Variants in TMEM178A observed in about 807,000 individuals in gnomAD.
TMEM178A encodes transmembrane protein 178A.
A neutral mutation model predicts 29.1 loss-of-function variants in TMEM178A; 12 were observed. The observed-to-expected ratio is 0.41, with a 90% CI of 0.26 to 0.67. The LOEUF (loss-of-function observed/expected upper bound fraction) is 0.67, where lower values mean the gene tolerates loss of function less well. Ranked by LOEUF, TMEM178A falls within the 30% of genes least tolerant of loss-of-function variation. TMEM178A has a pLI of 0.29. For missense variants in TMEM178A, 366 were observed against 419.1 expected, an observed-to-expected ratio of 0.87 and a Z score of 1.11; for synonymous variants, 210 against 187.2, an observed-to-expected ratio of 1.12 and a Z score of -0.99.
chr2:39,703,007 T>TC (rs1671860705), intron 1 of TMEM178A, among the ~76,000 whole-genome samples: 1 of 152,296 alleles, frequency 6.6e-6, no homozygotes, highest in South Asian at 2.1e-4. Flanking sequence ...GGACTGGGGC[T>TC]CATGATGCAA....
chr2:39,678,868 A>G (rs1670743411), intron 1 of TMEM178A, among the ~76,000 whole-genome samples: 3 of 152,176 alleles, frequency 2.0e-5, no homozygotes, highest in African/African-American at 4.8e-5. Context: ...TAGTCCTTCA[A>G]TACACATGCA....
chr2:39,690,203 A>G (rs1671254841), intron 1 of TMEM178A, among the ~76,000 whole-genome samples: 1 of 152,020 alleles, frequency 6.6e-6, no homozygotes, highest in African/African-American at 2.4e-5. Flanking sequence ...CTGACGGTGA[A>G]CTCCATCAAG....
At chr2:39,728,962 C>G in the TMEM178A span, among the ~76,000 whole-genome samples, 1 of 152,060 alleles carries the variant, frequency 6.6e-6, no homozygotes, top group African/African-American at 2.4e-5. Context: ...TGGAGGGACT[C>G]CACTGAGAAT....
intron 2 of TMEM178A, among the ~76,000 whole-genome samples, chr2:39,706,271 G>A (rs1422539962): frequency 6.6e-6 from 1 of 152,212 alleles, no homozygotes; most frequent in Non-Finnish European, 1.5e-5. Flanking sequence ...TGGAGATTAT[G>A]TAGTGGAGAC....
chr2:39,719,129 C>G (rs1230496148), downstream of TMEM178A, among the ~76,000 whole-genome samples: 1 of 152,182 alleles, frequency 6.6e-6, no homozygotes, highest in Non-Finnish European at 1.5e-5. Flanking sequence ...CACTGGCACT[C>G]TCTCAGGCCT....
chr2:39,716,950 A>T (rs1672565138), intron 3 of TMEM178A, 60 bp from the exon 4 acceptor site: 2 of 1,557,232 alleles, frequency 1.3e-6, no homozygotes, highest in Non-Finnish European at 1.7e-6. Flanking sequence ...CCTGTCTGGC[A>T]TTTGTCTTGT....
chr2:39,677,655 G>T (rs1670685796), intron 1 of TMEM178A, among the ~76,000 whole-genome samples: 1 of 152,080 alleles, frequency 6.6e-6, no homozygotes, highest in South Asian at 2.1e-4. Flanking sequence ...TGTGTTTGGA[G>T]GAGTGGGATG....
In TMEM178A at chr2:39,681,486, T is replaced by A. The variant is rs556136586; in HGVS notation, c.400+15112T>A. 2.6e-5 allele frequency among the ~76,000 whole-genome samples: 4 copies of A among 152,362 alleles called. No homozygotes were observed. In the East Asian group the frequency reaches 7.7e-4, roughly 29 times the overall value. On this transcript the variant is annotated intron_variant, in intron 1 of 3. Coordinates refer to ENST00000281961, the MANE Select transcript of TMEM178A (RefSeq NM_152390.3). ...AGTGTTCAATATAGCTTAATAGAAC[T>A]GTACTGGACAGTGATGGGAAAGAGG...
chr2:39,733,107 C>A, the TMEM178A span, among the ~76,000 whole-genome samples: 1 of 152,150 alleles, frequency 6.6e-6, no homozygotes, highest in Admixed American at 6.5e-5. Flanking sequence ...TAGACTCAGA[C>A]ACTGGGTAAG....
intron 2 of TMEM178A, among the ~76,000 whole-genome samples, chr2:39,706,561 T>A (rs529491556): frequency 8.5e-5 from 13 of 152,230 alleles, no homozygotes; most frequent in Non-Finnish European, 1.5e-4. Context: ...ACAATAGCTT[T>A]TTTAGGCTCT....
intron 1 of TMEM178A, among the ~76,000 whole-genome samples, chr2:39,693,120 C>G (rs1024827149): frequency 6.6e-6 from 1 of 151,728 alleles, no homozygotes; most frequent in Non-Finnish European, 1.5e-5. Flanking sequence ...TTTCAAAAAA[C>G]AAAAACGAAA....
the TMEM178A span, among the ~76,000 whole-genome samples, chr2:39,733,480 G>C: frequency 1.3e-5 from 2 of 152,270 alleles, 1 homozygote; most frequent in South Asian, 4.2e-4. Flanking sequence ...GTTCATCTTG[G>C]CCGCAGGTTC....
At chr2:39,733,542 C>T in the TMEM178A span, among the ~76,000 whole-genome samples, 1 of 152,312 alleles carries the variant, frequency 6.6e-6, no homozygotes, top group Non-Finnish European at 1.5e-5. Context: ...TCTCCTTACC[C>T]TTCTTTATGC....
At chr2:39,719,677 A>G (rs773702828), downstream of TMEM178A, among the ~76,000 whole-genome samples, 1 of 152,206 alleles carries the variant, frequency 6.6e-6, no homozygotes, top group Non-Finnish European at 1.5e-5. Context: ...GCAGGACAGA[A>G]TAATTTATTG....
chr2:39,734,423 T>C, the TMEM178A span, among the ~76,000 whole-genome samples: 9 of 152,248 alleles, frequency 5.9e-5, no homozygotes, highest in Non-Finnish European at 1.3e-4. Context: ...CCTCTCAGTA[T>C]GGGAGGAATT....
chr2:39,683,926 T>A (rs183290647), intron 1 of TMEM178A, among the ~76,000 whole-genome samples: 1 of 152,338 alleles, frequency 6.6e-6, no homozygotes, highest in East Asian at 1.9e-4. Context: ...ACTTCTTTAT[T>A]GATTTGGGCT....
chr2:39,720,284 G>T (rs1466048971), downstream of TMEM178A, among the ~76,000 whole-genome samples: 1 of 152,146 alleles, frequency 6.6e-6, no homozygotes, highest in African/African-American at 2.4e-5. Flanking sequence ...AATGACAAAA[G>T]TGTGCCCCCA....
In TMEM178A at chr2:39,699,609, A is replaced by T. The variant is rs945826813; in HGVS notation, c.401-4472A>T. Reference sequence around the variant, plus strand: ...GTAGCTAGGACTACAGGTGCGTGCCATCATGCCTGGCTAATTTTGTTTATT... The same window carrying T: ...GTAGCTAGGACTACAGGTGCGTGCCTTCATGCCTGGCTAATTTTGTTTATT... On this transcript the variant is annotated intron_variant, in intron 1 of 3. Transcript: ENST00000281961. Among the ~76,000 whole-genome samples the T allele has an allele frequency of 2.6e-5, 4 of 152,056 alleles. 1 individual carries two copies. The East Asian group carries it at 7.8e-4, about 30-fold the overall frequency.
At chr2:39,690,562 T>G (rs1416677232) in intron 1 of TMEM178A, among the ~76,000 whole-genome samples, 1 of 152,162 alleles carries the variant, frequency 6.6e-6, no homozygotes, top group Non-Finnish European at 1.5e-5. Context: ...ATGAAAGAAG[T>G]GGGACAGGTG....
Sources: gnomAD v4.1 joint callset for allele counts (sites outside exome capture counted in the v4.1 genomes callset) on GRCh38, gnomAD v4.1.1 for gene constraint, MANE v1.5 for transcripts, NCBI Gene and HGNC (gene_info 2026-07-23, HGNC 2026-07-21) for gene names.